Variants in RAB37 observed in about 807,000 individuals in gnomAD.
RAB37 encodes the protein RAB37, member RAS oncogene family.
A neutral mutation model predicts 33.1 loss-of-function variants in RAB37; 29 were observed. That is an observed-to-expected ratio of 0.88 (90% CI 0.65 to 1.20). RAB37 has a LOEUF of 1.20. RAB37 is among the 50% of genes most tolerant of loss of function. The pLI, the probability that RAB37 is intolerant of heterozygous loss-of-function variation, is 0.00. For missense variants in RAB37, 299 were observed against 301.1 expected, an observed-to-expected ratio of 0.99 and a Z score of 0.05; for synonymous variants, 128 against 119.5, an observed-to-expected ratio of 1.07 and a Z score of -0.47.
chr17:74,706,455 G>A (rs192371553), intron 1 of RAB37, among the ~76,000 whole-genome samples: 1 of 151,132 alleles, frequency 6.6e-6, no homozygotes. Flanking sequence ...CCAACATGAG[G>A]TTGGGAGTTC....
chr17:74,695,897 T>C, intron 1 of RAB37: 1 of 1,600,008 alleles, frequency 6.2e-7, no homozygotes. Context: ...TCACAAGATC[T>C]GTCTGTGGAC....
intron 1 of RAB37, among the ~76,000 whole-genome samples, chr17:74,677,011 G>A (rs558890365): frequency 2.2e-4 from 33 of 152,104 alleles, no homozygotes; most frequent in Non-Finnish European, 2.2e-4. Context: ...TTAGTCAGCC[G>A]TGGTGGTGCA....
At chr17:74,741,743 T>A (rs1413567191) in intron 2 of RAB37, among the ~76,000 whole-genome samples, 2 of 152,336 alleles carry the variant, frequency 1.3e-5, no homozygotes, top group East Asian at 3.9e-4. Context: ...GGTCTCACCC[T>A]GGCAGGTGGG....
chr17:74,704,266 G>C (rs957598234), intron 1 of RAB37: 2 of 573,964 alleles, frequency 3.5e-6, no homozygotes, highest in Non-Finnish European at 6.2e-6. Context: ...GCCTAGAAAG[G>C]CTTAATCCCG....
At chr17:74,737,002 G>C, upstream of RAB37, 1 of 1,598,380 alleles carries the variant, frequency 6.3e-7, no homozygotes, top group Non-Finnish European at 8.5e-7. Context: ...GACCGGTCCC[G>C]GGGCTGGATG....
chr17:74,718,360 A>T (rs557107524), intron 1 of RAB37, among the ~76,000 whole-genome samples: 2 of 136,876 alleles, frequency 1.5e-5, no homozygotes, highest in African/African-American at 5.2e-5. Flanking sequence ...ATATCATATC[A>T]TATCCACCCA....
chr17:74,720,601 A>C (rs1256731117), intron 1 of RAB37, among the ~76,000 whole-genome samples: 1 of 152,126 alleles, frequency 6.6e-6, no homozygotes, highest in Non-Finnish European at 1.5e-5. Flanking sequence ...AAAAAAATAA[A>C]AGAAAAGAAA....
At chr17:74,714,396 AACACACACACACACACACACAC>A in intron 1 of RAB37, among the ~76,000 whole-genome samples, 1 of 137,964 alleles carries the variant, frequency 7.2e-6, no homozygotes, top group South Asian at 2.4e-4. Context: ...TGTCTCTTTA[AACACACACACACACACACACAC>A]ACACACACAC....
chr17:74,728,561 T>C (rs899843627), intron 1 of RAB37, among the ~76,000 whole-genome samples: 1 of 152,036 alleles, frequency 6.6e-6, no homozygotes, highest in African/African-American at 2.4e-5. Context: ...TGCCTATGTT[T>C]CTGCATCATG....
upstream of RAB37, among the ~76,000 whole-genome samples, chr17:74,732,681 A>ACTT (rs1206151120): frequency 2.5e-5 from 1 of 39,366 alleles, no homozygotes; most frequent in Non-Finnish European, 6.1e-5. Flanking sequence ...ATGTGGCGTG[A>ACTT]GATGTGTATG....
intron 1 of RAB37, chr17:74,703,274 G>C (rs771644867): frequency 4.1e-5 from 27 of 661,124 alleles, no homozygotes; most frequent in Non-Finnish European, 6.0e-5. Context: ...CTGCAGCCTG[G>C]ACCACTCATG....
intron 1 of RAB37, chr17:74,695,187 G>A (rs759949596): frequency 1.3e-5 from 21 of 1,613,980 alleles, no homozygotes; most frequent in Middle Eastern, 3.3e-4. Flanking sequence ...GCAGTAGGTC[G>A]GTTCCTGATC....
intron 1 of RAB37, among the ~76,000 whole-genome samples, chr17:74,706,282 A>AAATAT (rs1555586595): frequency 1.6e-3 from 229 of 145,138 alleles, no homozygotes; most frequent in African/African-American, 5.3e-3. Context: ...GGAAAAAAAA[A>AAATAT]ATATATATAT....
chr17:74,684,373 G>A (rs1271239052), intron 1 of RAB37, among the ~76,000 whole-genome samples: 4 of 151,406 alleles, frequency 2.6e-5, no homozygotes, highest in Admixed American at 6.6e-5. Flanking sequence ...GATTATAGGC[G>A]TGAGCCACCA....
At chr17:74,687,578 G>T (rs1364347612) in intron 1 of RAB37, among the ~76,000 whole-genome samples, 1 of 152,178 alleles carries the variant, frequency 6.6e-6, no homozygotes, top group African/African-American at 2.4e-5. Context: ...AGCCATGTGA[G>T]GATATGGTCA....
chr17:74,742,645 A>G lies in RAB37; in HGVS notation c.246+350A>G, dbSNP rs2034647085. Among the ~76,000 whole-genome samples the G allele has an allele frequency of 6.9e-6, 1 of 144,442 alleles. No individual in the cohort carries two copies. Among genetic ancestry groups the G allele is most frequent in the African/African-American group, 2.6e-5 (1 of 38,614 alleles). 94.8% of individuals were successfully genotyped at this position (144,442 alleles called of 152,430 possible). A position where few individuals can be genotyped will look rare whatever the true frequency, so the allele number is the denominator to read the frequency against. Reference sequence around the variant, plus strand: ...TTCTTTTCTTTTCTTTTTTTTTTTGAGATGGAGTCTCGCTCTGTCGCCCAG... The same window carrying G: ...TTCTTTTCTTTTCTTTTTTTTTTTGGGATGGAGTCTCGCTCTGTCGCCCAG... On this transcript the variant is annotated intron_variant, in intron 3 of 8. Transcript: ENST00000392613. The surrounding 1 kb of genome is among the most constrained non-coding windows in gnomAD (Gnocchi z 4.0).
At chr17:74,720,597 A>C (rs1304089302) in intron 1 of RAB37, among the ~76,000 whole-genome samples, 1 of 152,202 alleles carries the variant, frequency 6.6e-6, no homozygotes, top group Admixed American at 6.5e-5. Flanking sequence ...TCTCAAAAAA[A>C]TAAAAGAAAA....
chr17:74,733,238 G>A (rs1268305128), upstream of RAB37, among the ~76,000 whole-genome samples: 1 of 152,058 alleles, frequency 6.6e-6, no homozygotes, highest in Non-Finnish European at 1.5e-5. Context: ...GTGGTATGAT[G>A]GTAGGTGTGT....
chr17:74,712,906 T>C (rs199709522), intron 1 of RAB37: 22 of 1,608,974 alleles, frequency 1.4e-5, no homozygotes, highest in Non-Finnish European at 8.5e-7. Context: ...CAGTGGAGCC[T>C]GGCAGCAGGA....
Sources: gnomAD v4.1 joint callset for allele counts (sites outside exome capture counted in the v4.1 genomes callset) on GRCh38, gnomAD v4.1.1 for gene constraint, Gnocchi (gnomAD v3.1) non-coding constraint, MANE v1.5 for transcripts, NCBI Gene and HGNC (gene_info 2026-07-23, HGNC 2026-07-21) for gene names.